The following GNAL variants were observed in gnomAD, a reference collection of about 807,000 sequenced individuals.
The protein encoded by GNAL is guanine nucleotide-binding protein G(olf) subunit alpha.
In GNAL, 18 loss-of-function variants were observed where a neutral mutation model predicts 55.1. That is an observed-to-expected ratio of 0.33 (90% CI 0.23 to 0.48). The LOEUF is 0.48. GNAL is among the 20% of genes least tolerant of loss of function. The pLI is 0.99. For synonymous variants in GNAL, 253 were observed against 237.0 expected (o/e 1.07, Z -0.62); for missense variants, 412 against 614.1 (o/e 0.67, Z 3.48).
At chr18:11,851,765 T>C in intron 5 of GNAL, 1 of 1,613,956 alleles carries the variant, frequency 6.2e-7, no homozygotes, top group Non-Finnish European at 8.5e-7. Flanking sequence ...GCGGTGACGA[T>C]GGGCAAGGTG....
intron 1 of GNAL, among the ~76,000 whole-genome samples, chr18:11,715,156 G>GA (rs1555642173): frequency 0.016 from 2,439 of 148,056 alleles, 52 homozygotes; most frequent in African/African-American, 0.052. Flanking sequence ...AAAAAAAAAA[G>GA]AAAGAAAAGA....
chr18:11,825,283 G>A (rs890155759), intron 5 of GNAL, among the ~76,000 whole-genome samples: 1 of 152,110 alleles, frequency 6.6e-6, no homozygotes, highest in Non-Finnish European at 1.5e-5. Context: ...TTTACATAGA[G>A]CTATATGCAT....
At chr18:11,788,936 T>TATATATATATAC (rs1219351502) in intron 4 of GNAL, among the ~76,000 whole-genome samples, 9 of 128,894 alleles carry the variant, frequency 7.0e-5, no homozygotes, top group Non-Finnish European at 1.4e-4. Context: ...TATATATATA[T>TATATATATATAC]ACACATATAT....
intron 4 of GNAL, among the ~76,000 whole-genome samples, chr18:11,824,271 G>T (rs547755305): frequency 1.6e-5 from 2 of 127,830 alleles, no homozygotes; most frequent in South Asian, 2.6e-4. Flanking sequence ...ATGGGGGGGG[G>T]GTTCAATGAG....
rs200584203 is a variant in GNAL, at chr18:11,872,281, A to G, written c.1045A>G (p.Ile349Val). ...SIWNNRWLRT[I>V]SIILFLNKQD... ...TTCCTTTTTTAGGTGGTTACGGACC[A>G]TTTCTATCATCTTGTTCTTGAACAA... The change falls in exon 10 of 12, where the codon ATT becomes GTT. Residue 349 changes from isoleucine (I) to valine (V), a missense_variant. This residue lies in a region of GNAL where 53 missense variants were observed against 182.7 expected (regional missense o/e 0.29). Transcript: ENST00000334049. 6.3e-7 allele frequency: 1 copy of G among 1,583,562 alleles called. No individual in the cohort carries two copies. Among genetic ancestry groups the G allele is most frequent in the Non-Finnish European group, 8.6e-7 (1 of 1,169,204 alleles).
intron 4 of GNAL, among the ~76,000 whole-genome samples, chr18:11,822,546 A>G (rs2848452): frequency 0.71 from 107,614 of 152,100 alleles, 40,641 homozygotes; most frequent in Non-Finnish European, 0.83. Context: ...CAAGGCTGCA[A>G]TGAACCCAGA....
intron 4 of GNAL, among the ~76,000 whole-genome samples, chr18:11,792,844 A>G (rs1030352346): frequency 2.6e-5 from 4 of 152,254 alleles, no homozygotes; most frequent in Non-Finnish European, 1.5e-5. Context: ...TGCAACTTCC[A>G]TATGACAGAG....
chr18:11,806,517 G>C (rs1395070555), intron 4 of GNAL, among the ~76,000 whole-genome samples: 14 of 152,088 alleles, frequency 9.2e-5, no homozygotes, highest in Admixed American at 9.2e-4. Context: ...GTCGATTTTT[G>C]TATATAGTGA....
chr18:11,753,076 G>A, intron 2 of GNAL, 151 bp downstream of exon 2: 1 of 584,998 alleles, frequency 1.7e-6, no homozygotes, highest in Admixed American at 2.9e-5. Flanking sequence ...GTTGGATTTG[G>A]TATATTTAGG....
intron 1 of GNAL, among the ~76,000 whole-genome samples, chr18:11,695,044 G>A (rs980820156): frequency 1.3e-5 from 2 of 152,060 alleles, no homozygotes; most frequent in Non-Finnish European, 2.9e-5. Flanking sequence ...TCCAAATACA[G>A]TCATGTGGGG....
In GNAL at chr18:11,762,370, A is replaced by T. The variant is rs118012395; in HGVS notation, c.624+8425A>T. Among the ~76,000 whole-genome samples the T allele has an allele frequency of 7.2e-3, 1,101 of 152,318 alleles. 7 individuals are homozygous for T. The highest frequency in any genetic ancestry group is 0.014 in the Middle Eastern group (4 of 294). Reference sequence around the variant, plus strand: ...CACGTGGACTGCCCTTGCTTCAGTAATTATTCAGTACACATATTATCCATC... The same window carrying T: ...CACGTGGACTGCCCTTGCTTCAGTATTTATTCAGTACACATATTATCCATC... On this transcript the variant is annotated intron_variant, in intron 4 of 11. Coordinates refer to ENST00000334049, the MANE Select transcript of GNAL (RefSeq NM_182978.4).
chr18:11,718,604 A>G (rs1244194769), intron 1 of GNAL, among the ~76,000 whole-genome samples: 1 of 152,188 alleles, frequency 6.6e-6, no homozygotes, highest in Non-Finnish European at 1.5e-5. Flanking sequence ...ATGAAAATGG[A>G]TTTTCCCCTG....
chr18:11,856,807 T>G lies in GNAL; in HGVS notation c.723-5588T>G, dbSNP rs562842670. Among the ~76,000 whole-genome samples the G allele has an allele frequency of 3.8e-3, 574 of 152,240 alleles. 3 individuals are homozygous for G. Among genetic ancestry groups the G allele is most frequent in the African/African-American group, 0.013 (557 of 41,538 alleles). On this transcript the variant is annotated intron_variant, in intron 5 of 11. Coordinates refer to ENST00000334049, the MANE Select transcript of GNAL (RefSeq NM_182978.4). ...TTAGCCAGGCATGATGGTGCACACCTGTAATCCCAGCTACTTCGGGAGGCT... is the reference window on the plus strand; with the variant it reads ...TTAGCCAGGCATGATGGTGCACACCGGTAATCCCAGCTACTTCGGGAGGCT...
intron 5 of GNAL, among the ~76,000 whole-genome samples, chr18:11,850,463 G>A (rs917887734): frequency 2.6e-5 from 4 of 152,168 alleles, no homozygotes; most frequent in African/African-American, 9.7e-5. Flanking sequence ...CATTGTTATT[G>A]CTGTATCGGA....
At position 11,885,451 on chromosome 18, in the gene GNAL, G is replaced by A. The variant is rs910071629; in HGVS notation, c.*4316G>A. 21 of 555,452 alleles carry A rather than the reference G, an allele frequency of 3.8e-5. No individual in the cohort carries two copies. The highest frequency in any genetic ancestry group is 7.6e-5 in the African/African-American group (4 of 52,934). The allele number at this position is 555,452 out of a possible 1,614,324, so 34.4% of individuals were successfully genotyped here. On this transcript the variant is annotated 3_prime_UTR_variant, in exon 12 of 12. Transcript: ENST00000334049. ...CCTGAAGGATAAAGTCCACCTGGAC[G>A]GTGCCCTGCCCTCGCTTCTCACATT...
Position 11,881,279 on chromosome 18 carries a change from C to T in GNAL, c.*144C>T. Reference sequence around the variant, plus strand: ...TCGACCACCAAGCCTCTGGCTACCTCTGTCCCCTCAGGTTTGGTTGTGTAG... The same window carrying T: ...TCGACCACCAAGCCTCTGGCTACCTTTGTCCCCTCAGGTTTGGTTGTGTAG... On this transcript the variant is annotated 3_prime_UTR_variant, in exon 12 of 12. Transcript: ENST00000334049. This position sits in a 1 kb window ranked among gnomAD's most constrained non-coding sequence, Gnocchi z 4.8. 1 of 772,704 alleles carries T rather than the reference C, an allele frequency of 1.3e-6. No individual in the cohort carries two copies. Among genetic ancestry groups the T allele is most frequent in the Non-Finnish European group, 2.0e-6 (1 of 496,916 alleles). The allele number at this position is 772,704 out of a possible 1,614,324, so 47.9% of individuals were successfully genotyped here. A position where few individuals can be genotyped will look rare whatever the true frequency, so the allele number is the denominator to read the frequency against.
chr18:11,770,387 A>G (rs1480326380), intron 4 of GNAL, among the ~76,000 whole-genome samples: 1 of 152,226 alleles, frequency 6.6e-6, no homozygotes, highest in African/African-American at 2.4e-5. Context: ...TCATCTCTGA[A>G]AAAAGAAAAA....
At chr18:11,812,584 C>T (rs1292842717) in intron 4 of GNAL, among the ~76,000 whole-genome samples, 1 of 152,244 alleles carries the variant, frequency 6.6e-6, no homozygotes, top group African/African-American at 2.4e-5. Flanking sequence ...TGGCTCACGC[C>T]TGTAATCCCA....
intron 1 of GNAL, among the ~76,000 whole-genome samples, chr18:11,693,020 G>A (rs2031301657): frequency 6.6e-6 from 1 of 151,288 alleles, no homozygotes; most frequent in Admixed American, 6.6e-5. Context: ...TTCAAAAAGG[G>A]GAGAATTTTT....
Sources: gnomAD v4.1 joint callset for allele counts (sites outside exome capture counted in the v4.1 genomes callset) on GRCh38, gnomAD v4.1.1 for gene constraint, gnomAD v4.1.1 regional missense constraint, Gnocchi (gnomAD v3.1) non-coding constraint, MANE v1.5 for transcripts, NCBI Gene and HGNC (gene_info 2026-07-23, HGNC 2026-07-21) for gene names.